Variants in COL16A1 observed in about 807,000 individuals in gnomAD.
COL16A1 encodes the protein collagen type XVI alpha 1 chain, also known as collagen alpha-1(XVI) chain.
Under a neutral mutation model 266.3 loss-of-function variants are expected in COL16A1, and 189 were observed. The observed-to-expected ratio is 0.71, with a 90% CI of 0.63 to 0.80. COL16A1 has a LOEUF of 0.80. Ranked by LOEUF, COL16A1 falls within the 30% of genes least tolerant of loss-of-function variation. The pLI is 0.00. For missense variants in COL16A1, 1,928 were observed against 2,122.4 expected (o/e 0.91, Z 1.80); for synonymous variants, 740 against 782.3 (o/e 0.95, Z 0.90).
At chr1:31,694,860 C>T (rs968833804) in intron 11 of COL16A1, among the ~76,000 whole-genome samples, 7 of 152,220 alleles carry the variant, frequency 4.6e-5, no homozygotes, top group Admixed American at 1.3e-4. Context: ...GAAGCCTCCA[C>T]CAGGGCAGGG....
At chr1:31,681,134 GA>G (rs1326940946) in intron 37 of COL16A1, 67 bp from the exon 38 acceptor site, 2 of 1,543,862 alleles carry the variant, frequency 1.3e-6, no homozygotes, top group Non-Finnish European at 8.7e-7. Context: ...GCCTGCTGCA[GA>G]AAAGGGGTGT....
chr1:31,656,310 G>C lies in COL16A1; in HGVS notation c.4101+90C>G, dbSNP rs1641141606. ...GCCCCCTGCCCACTGGCCTTCCTGT[G>C]TCTCCTCTCTGTGGCTAAAGCCGTA... is the stretch of plus-strand genomic sequence containing the variant. On this transcript the variant is annotated intron_variant, in intron 66 of 70. Transcript: ENST00000373672. This position sits in a 1 kb window ranked among gnomAD's most constrained non-coding sequence, Gnocchi z 4.2. 1 of 1,559,080 alleles carries C rather than the reference G, an allele frequency of 6.4e-7. No homozygotes were observed. Among genetic ancestry groups the C allele is most frequent in the Admixed American group, 2.0e-5 (1 of 48,884 alleles).
At chr1:31,702,254 G>A (rs989065056) in intron 1 of COL16A1, 27 bp from the exon 2 acceptor site, 12 of 1,609,598 alleles carry the variant, frequency 7.5e-6, no homozygotes, top group African/African-American at 4.0e-5. Flanking sequence ...CCGGGAAGGC[G>A]GATTTCTGAG....
chr1:31,659,732 C>A (rs1641477083), intron 62 of COL16A1: 1 of 152,260 alleles, frequency 6.6e-6, no homozygotes, highest in Non-Finnish European at 1.5e-5. Flanking sequence ...ACAGAGACTG[C>A]CACACTGCAA....
intron 28 of COL16A1, 77 bp downstream of exon 28, chr1:31,686,014 G>T: frequency 1.3e-6 from 2 of 1,588,600 alleles, no homozygotes. Flanking sequence ...GCCCCAGAGG[G>T]TTCGAAGTCG....
rs746787673 is a variant in COL16A1, at chr1:31,690,361, A to G, written c.1509+6T>C. On this transcript the variant is annotated splice_donor_region_variant and intron_variant, in intron 22 of 70. Transcript: ENST00000373672. Reference sequence around the variant, plus strand: ...CCCGATCTGGGCAGCCAGGCCTAGGACTCACCTTCTCTCCCTTCACACCTG... The same window carrying G: ...CCCGATCTGGGCAGCCAGGCCTAGGGCTCACCTTCTCTCCCTTCACACCTG... The G allele has an allele frequency of 2.5e-6, 4 of 1,613,788 alleles. No homozygotes were observed. In the South Asian group the frequency reaches 4.4e-5, roughly 18 times the overall value.
intron 69 of COL16A1, 93 bp downstream of exon 69, chr1:31,653,774 C>CAT: frequency 1.3e-6 from 2 of 1,561,188 alleles, no homozygotes; most frequent in Non-Finnish European, 1.7e-6. Flanking sequence ...CACACACACA[C>CAT]ATACATCCCA....
rs1027929236 is a variant in COL16A1 at position 31,656,063 on chromosome 1, T to C, written c.4101+337A>G. 2 of 400,752 alleles carry C rather than the reference T, an allele frequency of 5.0e-6. No homozygotes were observed. Among genetic ancestry groups the C allele is most frequent in the Non-Finnish European group, 9.1e-6 (2 of 219,054 alleles). 24.8% of individuals were successfully genotyped at this position (400,752 alleles called of 1,614,324 possible). ...CCCTAGTGTAAGTGTGACTGGTCTA[T>C]TGTGAGCACCTATTGTTCAGGGACC... On this transcript the variant is annotated intron_variant, in intron 66 of 70. Transcript: ENST00000373672. This position sits in a 1 kb window ranked among gnomAD's most constrained non-coding sequence, Gnocchi z 4.2.
chr1:31,665,058 G>A (rs1394602178), intron 56 of COL16A1, 114 bp downstream of exon 56: 6 of 1,482,192 alleles, frequency 4.0e-6, no homozygotes, highest in Non-Finnish European at 5.5e-6. Context: ...CCCAGCCTCA[G>A]TGCAACTGGG....
rs373634924 is a variant in COL16A1 at position 31,661,473 on chromosome 1, A to C, written c.3727-15T>G. On this transcript the variant is annotated splice_polypyrimidine_tract_variant and intron_variant, in intron 59 of 70. Coordinates refer to ENST00000373672, the MANE Select transcript of COL16A1 (RefSeq NM_001856.4). Reference sequence around the variant, plus strand: ...CCCTTAAAGCCCTGAAAGAAAAAGCAGGGAGTTCTCATGTCCCTCATGTCA... The same window carrying C: ...CCCTTAAAGCCCTGAAAGAAAAAGCCGGGAGTTCTCATGTCCCTCATGTCA... 2 of 1,614,098 alleles carry C rather than the reference A, an allele frequency of 1.2e-6. No individual in the cohort carries two copies. Among genetic ancestry groups the C allele is most frequent in the African/African-American group, 2.7e-5 (2 of 74,954 alleles).
At position 31,698,402 on chromosome 1, in the gene COL16A1, G is replaced by T. The variant is rs2148828899; in HGVS notation, c.390+81C>A. ...AGGATGGAGCAGGGAGACCCCAGAA[G>T]TCACAAGCCGGGATGAAAGGTGGGC... On this transcript the variant is annotated intron_variant, in intron 5 of 70. Coordinates refer to ENST00000373672, the MANE Select transcript of COL16A1 (RefSeq NM_001856.4). The surrounding 1 kb of genome is among the most constrained non-coding windows in gnomAD (Gnocchi z 4.1). The T allele has an allele frequency of 2.5e-6, 4 of 1,588,612 alleles. No individual in the cohort carries two copies. In the South Asian group the frequency reaches 4.6e-5, roughly 18 times the overall value.
chr1:31,656,923 A>C lies in COL16A1; in HGVS notation c.4056+110T>G. The stretch of plus-strand genomic sequence containing the variant: ...ACAACAGGGTTAACAATTTCCAGAG[A>C]CAGCCCGTACATAGAAGGAATGTTT... On this transcript the variant is annotated intron_variant, in intron 65 of 70. Transcript: ENST00000373672. The surrounding 1 kb of genome is among the most constrained non-coding windows in gnomAD (Gnocchi z 4.2). 1 of 1,473,232 alleles carries C rather than the reference A, an allele frequency of 6.8e-7. No homozygotes were observed. Among genetic ancestry groups the C allele is most frequent in the Non-Finnish European group, 9.5e-7 (1 of 1,056,518 alleles). 91.3% of individuals were successfully genotyped at this position (1,473,232 alleles called of 1,614,324 possible). A position where few individuals can be genotyped will look rare whatever the true frequency, so the allele number is the denominator to read the frequency against.
At chr1:31,658,461 G>A (rs772131141) in intron 64 of COL16A1, 27 bp downstream of exon 64, 20 of 1,564,126 alleles carry the variant, frequency 1.3e-5, no homozygotes, top group Non-Finnish European at 1.6e-5. Flanking sequence ...TTCCCCCTGG[G>A]CTATGCTGTA....
intron 14 of COL16A1, 49 bp downstream of exon 14, chr1:31,692,718 G>A (rs770378379): frequency 1.1e-5 from 17 of 1,612,978 alleles, no homozygotes; most frequent in Non-Finnish European, 1.4e-5. Flanking sequence ...CCCTCCCCAG[G>A]GGCTGGCCCC....
rs1015425989 is a variant in COL16A1 at position 31,691,531 on chromosome 1, G to A, written c.1303-19C>T. ...GGTCTCCCTGGCACAGACATAAGGT[G>A]GGCATCAGAGAGCTGCCACCCCAGC... On this transcript the variant is annotated intron_variant, in intron 18 of 70. Coordinates refer to ENST00000373672, the MANE Select transcript of COL16A1 (RefSeq NM_001856.4). 1 of 1,613,954 alleles carries A rather than the reference G, an allele frequency of 6.2e-7. No homozygotes were observed. The highest frequency in any genetic ancestry group is 8.5e-7 in the Non-Finnish European group (1 of 1,179,944).
intron 42 of COL16A1, 73 bp downstream of exon 42, chr1:31,679,559 G>T: frequency 1.2e-6 from 2 of 1,614,016 alleles, no homozygotes; most frequent in Non-Finnish European, 8.5e-7. Flanking sequence ...CATCCTTGGG[G>T]TCCAGCCGGG....
At position 31,656,294 on chromosome 1, in the gene COL16A1, C is replaced by G; in HGVS notation, c.4101+106G>C. The G allele has an allele frequency of 6.5e-7, 1 of 1,538,454 alleles. No individual in the cohort carries two copies. ...CAAGTTCTGCATTTTTGCCCCCTGC[C>G]CACTGGCCTTCCTGTGTCTCCTCTC... On this transcript the variant is annotated intron_variant, in intron 66 of 70. Coordinates refer to ENST00000373672, the MANE Select transcript of COL16A1 (RefSeq NM_001856.4). This position sits in a 1 kb window ranked among gnomAD's most constrained non-coding sequence, Gnocchi z 4.2.
chr1:31,690,323 G>T (rs1241438171), intron 22 of COL16A1, 44 bp downstream of exon 22: 1 of 1,612,072 alleles, frequency 6.2e-7, no homozygotes, highest in Non-Finnish European at 8.5e-7. Context: ...CAGAAAGGGG[G>T]TCCCGTTCCC....
Position 31,661,676 on chromosome 1 carries a change from C to T in COL16A1, c.3710G>A (p.Gly1237Glu). Residue 1237 changes from glycine to glutamate, a missense_variant, in exon 59 of 71, where the codon GGA becomes GAA. Around this residue, in one of 2 missense-constraint regions of COL16A1, gnomAD observed 1,552 missense variants for 1,637.2 expected, o/e 0.95. Transcript: ENST00000373672. ...TCAACTTACCGGTGGTCCCATGAGT[C>T]CAGGGGGGCCAGCAGGACCAGGGTC... The part of the protein sequence containing the change: ...RGDPGPAGPP[G>E]LMGPPGFKGK... 1 of 1,606,180 alleles carries T rather than the reference C, an allele frequency of 6.2e-7. No homozygotes were observed. Among genetic ancestry groups the T allele is most frequent in the African/African-American group, 1.3e-5 (1 of 74,254 alleles).
Sources: allele counts gnomAD v4.1 joint callset (sites outside exome capture counted in the v4.1 genomes callset), GRCh38; gene constraint gnomAD v4.1.1; regional missense constraint gnomAD v4.1.1; non-coding constraint Gnocchi (gnomAD v3.1); transcripts MANE v1.5; gene names NCBI Gene and HGNC (gene_info 2026-07-23, HGNC 2026-07-21).